Variants in BEAN1 observed in about 807,000 individuals in gnomAD.
The protein encoded by BEAN1 is brain expressed associated with NEDD4 1.
BEAN1 carries 17 observed loss-of-function variants against 17.7 expected under a neutral mutation model. The observed-to-expected ratio is 0.96, with a 90% CI of 0.66 to 1.44. The LOEUF (loss-of-function observed/expected upper bound fraction) is 1.44. Among genes scored for constraint, BEAN1 ranks in the 40% most tolerant of loss-of-function variants. The pLI is 0.00. For missense variants in BEAN1, 359 were observed against 374.1 expected, an observed-to-expected ratio of 0.96 and a Z score of 0.33; for synonymous variants, 142 against 151.8, an observed-to-expected ratio of 0.94 and a Z score of 0.47.
At chr16:66,489,949 G>A (rs1397442082) in intron 4 of BEAN1, among the ~76,000 whole-genome samples, 1 of 152,032 alleles carries the variant, frequency 6.6e-6, no homozygotes, top group Non-Finnish European at 1.5e-5. Flanking sequence ...GGAGTTGGGA[G>A]CAGGGAGCAG....
chr16:66,446,477 G>A (rs925485948), intron 2 of BEAN1, among the ~76,000 whole-genome samples: 9 of 152,190 alleles, frequency 5.9e-5, no homozygotes, highest in Non-Finnish European at 1.3e-4. Context: ...TTTTGTCTGA[G>A]ACGCTTTGCA....
chr16:66,460,931 G>C (rs1963057703), intron 2 of BEAN1, among the ~76,000 whole-genome samples: 1 of 152,188 alleles, frequency 6.6e-6, no homozygotes, highest in African/African-American at 2.4e-5. Flanking sequence ...CCATCATGAG[G>C]ATTAAATGAG....
chr16:66,472,936 C>T (rs1963540465), intron 3 of BEAN1, among the ~76,000 whole-genome samples: 1 of 151,592 alleles, frequency 6.6e-6, no homozygotes, highest in African/African-American at 2.4e-5. Context: ...TCGGGAGGGT[C>T]CCTTGAGCCC....
At chr16:66,484,542 CAT>C (rs1964058005), downstream of BEAN1, 2 of 453,016 alleles carry the variant, frequency 4.4e-6, no homozygotes, top group Non-Finnish European at 8.8e-6. The surrounding 1 kb of genome is among the most constrained non-coding windows in gnomAD (Gnocchi z 4.2). Context: ...TACCTGGGCT[CAT>C]CAGAGGCCCA....
At chr16:66,490,955 G>C (rs531537527) in intron 4 of BEAN1, among the ~76,000 whole-genome samples, 1 of 152,222 alleles carries the variant, frequency 6.6e-6, no homozygotes, top group Non-Finnish European at 1.5e-5. Flanking sequence ...AGGAGAGGCA[G>C]GACCCATCCA....
chr16:66,481,230 T>G lies in BEAN1; in HGVS notation c.*305T>G, dbSNP rs1469560187. 1 of 410,494 alleles carries G rather than the reference T, an allele frequency of 2.4e-6. No homozygotes were observed. The highest frequency in any genetic ancestry group is 4.3e-6 in the Non-Finnish European group (1 of 233,380). 25.4% of individuals were successfully genotyped at this position (410,494 alleles called of 1,614,324 possible). ...GTCCCTCCTCCCGGCCTGTTTGTTG[T>G]GCCTCTGTAGAGAGCGCTTCGGAGA... On this transcript the variant is annotated 3_prime_UTR_variant, in exon 5 of 5. Transcript: ENST00000536005. This position sits in a 1 kb window ranked among gnomAD's most constrained non-coding sequence, Gnocchi z 4.1.
At chr16:66,437,380 G>C (rs759205966) in intron 1 of BEAN1, among the ~76,000 whole-genome samples, 1 of 151,950 alleles carries the variant, frequency 6.6e-6, no homozygotes, top group Non-Finnish European at 1.5e-5. Context: ...CCACCACTGG[G>C]ACCCCAACAC....
intron 2 of BEAN1, among the ~76,000 whole-genome samples, chr16:66,446,788 G>A (rs567775280): frequency 6.6e-6 from 1 of 152,272 alleles, no homozygotes; most frequent in African/African-American, 2.4e-5. Flanking sequence ...AAGTGCATTG[G>A]GGGAGGGATT....
In BEAN1 at chr16:66,481,448, G is replaced by A. The variant is rs973535848; in HGVS notation, c.*523G>A. ...TGGGAGGCGGGACAGGCCCCAGTGA[G>A]GTTCCGTTGTGCGCTGTGCCTATCT... On this transcript the variant is annotated 3_prime_UTR_variant, in exon 5 of 5. Transcript: ENST00000536005. This position sits in a 1 kb window ranked among gnomAD's most constrained non-coding sequence, Gnocchi z 4.1. 7.6e-6 allele frequency: 3 copies of A among 393,584 alleles called. No individual in the cohort carries two copies. Among genetic ancestry groups the A allele is most frequent in the African/African-American group, 4.1e-5 (2 of 48,544 alleles). The allele number at this position is 393,584 out of a possible 1,614,324, so 24.4% of individuals were successfully genotyped here. A position where few individuals can be genotyped will look rare whatever the true frequency, so the allele number is the denominator to read the frequency against.
chr16:66,463,812 T>G (rs1479798346), intron 2 of BEAN1, among the ~76,000 whole-genome samples: 1 of 152,248 alleles, frequency 6.6e-6, no homozygotes, highest in East Asian at 1.9e-4. Context: ...TTGTATATTA[T>G]GTAGGGAATC....
chr16:66,489,045 A>C (rs1964128867), intron 4 of BEAN1, among the ~76,000 whole-genome samples: 1 of 151,894 alleles, frequency 6.6e-6, no homozygotes, highest in Non-Finnish European at 1.5e-5. Context: ...GGTGGCGGGC[A>C]CCTGTAATTC....
chr16:66,434,636 G>A lies in BEAN1; in HGVS notation c.-82-2959G>A, dbSNP rs1312453392. 6.6e-6 allele frequency among the ~76,000 whole-genome samples: 1 copy of A among 152,178 alleles called. No homozygotes were observed. The highest frequency in any genetic ancestry group is 2.4e-5 in the African/African-American group (1 of 41,436). ...GGGTGCTAGGAGGTTGCAGCGGGAG[G>A]CTGTGTTTAAAGTGCTGATGGCATT... On this transcript the variant is annotated intron_variant, in intron 1 of 4. Coordinates refer to ENST00000536005, the MANE Select transcript of BEAN1 (RefSeq NM_001178020.3). The surrounding 1 kb of genome is among the most constrained non-coding windows in gnomAD (Gnocchi z 4.3).
intron 2 of BEAN1, 108 bp from the exon 3 acceptor site, chr16:66,469,494 C>T: frequency 7.5e-7 from 1 of 1,328,746 alleles, no homozygotes; most frequent in South Asian, 1.4e-5. Context: ...AGCCCAGACC[C>T]TCCTCCATTT....
At chr16:66,458,424 C>T (rs1420008839) in intron 2 of BEAN1, among the ~76,000 whole-genome samples, 1 of 152,050 alleles carries the variant, frequency 6.6e-6, no homozygotes, top group African/African-American at 2.4e-5. Context: ...TAGTTTTTGG[C>T]CCCCTCCCCT....
At chr16:66,493,238 C>A in exon 5 of BEAN1, 1 of 703,018 alleles carries the variant, frequency 1.4e-6, no homozygotes, top group South Asian at 1.5e-5. Context: ...AGAGAAAAGG[C>A]TGGTGAAGCC....
At chr16:66,437,736 G>A (rs773307538) in intron 2 of BEAN1, 35 bp downstream of exon 2, 5 of 1,525,210 alleles carry the variant, frequency 3.3e-6, no homozygotes, top group Middle Eastern at 1.7e-4. Context: ...CACCACTTGG[G>A]GCCAGGCAAG....
rs1474488677 is a variant in BEAN1 at position 66,444,477 on chromosome 16, G to T, written c.25+6776G>T. 2.6e-5 allele frequency among the ~76,000 whole-genome samples: 4 copies of T among 152,166 alleles called. No individual in the cohort carries two copies. In the East Asian group the frequency reaches 7.7e-4, roughly 29 times the overall value. On this transcript the variant is annotated intron_variant, in intron 2 of 4. Transcript: ENST00000536005. ...GGTGGTCCCTGCTGGTCACAGTGCAGGGGGAGGATGGAGGGGAGGAAGACA... is the reference window on the plus strand; with the variant it reads ...GGTGGTCCCTGCTGGTCACAGTGCATGGGGAGGATGGAGGGGAGGAAGACA...
chr16:66,491,016 C>T (rs527279224), intron 4 of BEAN1, among the ~76,000 whole-genome samples: 1 of 152,344 alleles, frequency 6.6e-6, no homozygotes, highest in East Asian at 1.9e-4. Context: ...CTCTATCCTC[C>T]ATATCCAGCC....
chr16:66,437,592 C>A lies in BEAN1; in HGVS notation c.-82-3C>A. ...CAACACCTGCCTGTTTGTGTCTCCG[C>A]AGGTGAGTGGAGGGGCCTTCCCTGC... On this transcript the variant is annotated splice_region_variant and splice_polypyrimidine_tract_variant and intron_variant, in intron 1 of 4. Coordinates refer to ENST00000536005, the MANE Select transcript of BEAN1 (RefSeq NM_001178020.3). 6.9e-7 allele frequency: 1 copy of A among 1,449,062 alleles called. No individual in the cohort carries two copies. The highest frequency in any genetic ancestry group is 9.3e-7 in the Non-Finnish European group (1 of 1,074,900). The allele number at this position is 1,449,062 out of a possible 1,614,324, so 89.8% of individuals were successfully genotyped here.
Sources: allele counts gnomAD v4.1 joint callset (sites outside exome capture counted in the v4.1 genomes callset), GRCh38; gene constraint gnomAD v4.1.1; non-coding constraint Gnocchi (gnomAD v3.1); transcripts MANE v1.5; gene names NCBI Gene and HGNC (gene_info 2026-07-23, HGNC 2026-07-21).